The following KCNG3 variants were observed in gnomAD, a reference collection of about 807,000 sequenced individuals.
KCNG3 encodes potassium voltage-gated channel modifier subfamily G member 3.
In KCNG3, 15 loss-of-function variants were observed where a neutral mutation model predicts 29.0. The ratio of observed to expected loss-of-function variants is 0.52; its 90% CI spans 0.35 to 0.80. The LOEUF is 0.80. Among genes scored for constraint, KCNG3 ranks in the 30% least tolerant of loss-of-function variants. KCNG3 has a pLI of 0.01. For missense variants in KCNG3, 512 were observed against 605.7 expected (o/e 0.85, Z 1.62); for synonymous variants, 322 against 248.9 (o/e 1.29, Z -2.76).
the KCNG3 span, among the ~76,000 whole-genome samples, chr2:42,432,144 T>C: frequency 1.3e-5 from 2 of 152,176 alleles, no homozygotes; most frequent in Admixed American, 6.5e-5. Flanking sequence ...GCAAGGCCCG[T>C]TGATGGTCAT....
downstream of KCNG3, among the ~76,000 whole-genome samples, chr2:42,441,685 A>G (rs1231594101): frequency 6.6e-6 from 1 of 151,340 alleles, no homozygotes; most frequent in Non-Finnish European, 1.5e-5. Flanking sequence ...GTCTGTGTGT[A>G]TATTTGCACA....
chr2:42,485,055 G>A (rs891366075), intron 1 of KCNG3, among the ~76,000 whole-genome samples: 4 of 152,152 alleles, frequency 2.6e-5, no homozygotes, highest in African/African-American at 9.7e-5. Context: ...TGAACTGAAA[G>A]GCAATCGAAA....
chr2:42,488,524 TC>T (rs1673784838), intron 1 of KCNG3, among the ~76,000 whole-genome samples: 1 of 151,524 alleles, frequency 6.6e-6, no homozygotes, highest in Non-Finnish European at 1.5e-5. Flanking sequence ...ACAGGCTGTT[TC>T]CTGATAGACC....
chr2:42,493,018 C>A lies in KCNG3; in HGVS notation c.484G>T (p.Glu162Ter). 6.6e-7 allele frequency: 1 copy of A among 1,525,094 alleles called. No individual in the cohort carries two copies. The highest frequency in any genetic ancestry group is 8.8e-7 in the Non-Finnish European group (1 of 1,140,512). 94.5% of individuals were successfully genotyped at this position (1,525,094 alleles called of 1,614,324 possible). A position where few individuals can be genotyped will look rare whatever the true frequency, so the allele number is the denominator to read the frequency against. Residue 162 changes from glutamate to a stop codon, truncating the protein, a stop_gained, in exon 1 of 2, where the codon GAG becomes TAG. Coordinates refer to ENST00000306078, the MANE Select transcript of KCNG3 (RefSeq NM_133329.6). LOFTEE classifies it high-confidence loss of function. The part of the protein sequence containing the change: ...RWLERMRRTF[E>*]EPTSSLAAQI... ...GCGGCCAGCGACGACGTGGGCTCCT[C>A]GAAGGTCCGCCGCATGCGCTCCAGC... is the stretch of plus-strand genomic sequence containing the variant.
the KCNG3 span, chr2:42,425,095 G>C: frequency 1.3e-5 from 2 of 152,214 alleles, no homozygotes; most frequent in South Asian, 4.1e-4. Flanking sequence ...TGTTGGCGGG[G>C]CCACACAAGG....
At chr2:42,445,588 T>C (rs1203681096) in intron 1 of KCNG3, among the ~76,000 whole-genome samples, 2 of 152,206 alleles carry the variant, frequency 1.3e-5, no homozygotes, top group African/African-American at 4.8e-5. Flanking sequence ...ACAAATACTT[T>C]GTATTCCATC....
intron 1 of KCNG3, chr2:42,464,142 T>TA (rs1673086074): frequency 4.9e-6 from 1 of 202,216 alleles, no homozygotes; most frequent in Non-Finnish European, 1.0e-5. Flanking sequence ...TAACAACAGG[T>TA]AACTAATGTG....
chr2:42,475,275 G>A (rs1373165793), intron 1 of KCNG3, among the ~76,000 whole-genome samples: 1 of 150,498 alleles, frequency 6.6e-6, no homozygotes, highest in African/African-American at 2.4e-5. Flanking sequence ...AGTGAGTTAT[G>A]ATCACACCAC....
At chr2:42,448,718 G>A (rs909813371) in intron 1 of KCNG3, among the ~76,000 whole-genome samples, 2 of 152,080 alleles carry the variant, frequency 1.3e-5, no homozygotes, top group East Asian at 1.9e-4. Context: ...GGCCGGGAGC[G>A]GTGGCTCATG....
At chr2:42,391,665 G>C in the KCNG3 span, among the ~76,000 whole-genome samples, 12 of 142,452 alleles carry the variant, frequency 8.4e-5, no homozygotes, top group African/African-American at 2.6e-4. Context: ...TGCAGTGGCG[G>C]GATCTCGGCT....
At chr2:42,449,035 T>C (rs2103668792) in intron 1 of KCNG3, among the ~76,000 whole-genome samples, 1 of 152,198 alleles carries the variant, frequency 6.6e-6, no homozygotes, top group African/African-American at 2.4e-5. Flanking sequence ...TTTCATATAC[T>C]TGGGTTTCCC....
chr2:42,391,335 A>C, the KCNG3 span, among the ~76,000 whole-genome samples: 3 of 152,190 alleles, frequency 2.0e-5, no homozygotes, highest in Non-Finnish European at 2.9e-5. Context: ...AAAGTGACCT[A>C]CCTGGTTCAA....
chr2:42,470,436 C>T (rs11124879), intron 1 of KCNG3, among the ~76,000 whole-genome samples: 2 of 151,872 alleles, frequency 1.3e-5, no homozygotes, highest in Non-Finnish European at 2.9e-5. Flanking sequence ...CTTCGAGGTC[C>T]GTACAGGAGG....
At chr2:42,419,235 T>TTTTTTTTTTTG in the KCNG3 span, among the ~76,000 whole-genome samples, 1 of 116,376 alleles carries the variant, frequency 8.6e-6, no homozygotes. Context: ...TTTTTTTTTT[T>TTTTTTTTTTTG]TTTTTTTTTT....
chr2:42,397,499 T>C, the KCNG3 span, among the ~76,000 whole-genome samples: 7 of 152,290 alleles, frequency 4.6e-5, no homozygotes, highest in South Asian at 1.5e-3. Flanking sequence ...TTATATATTA[T>C]AGTTTCAACT....
chr2:42,474,359 C>A (rs1320371374), intron 1 of KCNG3, among the ~76,000 whole-genome samples: 10 of 151,890 alleles, frequency 6.6e-5, no homozygotes, highest in Non-Finnish European at 1.5e-5. Context: ...GAAACCCTGT[C>A]TCTACTAAAA....
the KCNG3 span, among the ~76,000 whole-genome samples, chr2:42,428,798 T>C: frequency 6.6e-6 from 1 of 152,026 alleles, no homozygotes; most frequent in Admixed American, 6.5e-5. Flanking sequence ...GTCACCTGGT[T>C]GTGGGGCCTC....
At chr2:42,433,383 GGT>G in the KCNG3 span, among the ~76,000 whole-genome samples, 3 of 152,102 alleles carry the variant, frequency 2.0e-5, no homozygotes, top group South Asian at 6.2e-4. Context: ...TCCAGAAACT[GGT>G]GTGTGAGTCG....
chr2:42,479,024 T>G (rs1165804529), intron 1 of KCNG3, among the ~76,000 whole-genome samples: 2 of 150,690 alleles, frequency 1.3e-5, no homozygotes, highest in African/African-American at 4.9e-5. Context: ...AAATTCGAAA[T>G]CCAAAATACT....
Sources: allele counts gnomAD v4.1 joint callset (sites outside exome capture counted in the v4.1 genomes callset), GRCh38; gene constraint gnomAD v4.1.1; transcripts MANE v1.5; gene names NCBI Gene and HGNC (gene_info 2026-07-23, HGNC 2026-07-21).